Variants in DCC observed in about 807,000 individuals in gnomAD.
DCC encodes the protein DCC netrin 1 receptor.
A neutral mutation model predicts 172.5 loss-of-function variants in DCC; 58 were observed. The observed-to-expected ratio is 0.34, with a 90% CI of 0.27 to 0.42. DCC has a LOEUF of 0.42. Among genes scored for constraint, DCC ranks in the 10% least tolerant of loss-of-function variants. DCC has a pLI of 1.00. For synonymous variants in DCC, 709 were observed against 644.5 expected (o/e 1.10, Z -1.52); for missense variants, 1,740 against 1,791.0 (o/e 0.97, Z 0.51).
intron 27 of DCC, among the ~76,000 whole-genome samples, chr18:53,516,320 A>C (rs563863272): frequency 0.029 from 4,257 of 147,736 alleles, 77 homozygotes; most frequent in Middle Eastern, 0.062. Context: ...TAAAGACTTA[A>C]ACGTTAGACC....
intron 12 of DCC, among the ~76,000 whole-genome samples, chr18:53,258,872 G>A: frequency 6.6e-6 from 1 of 152,140 alleles, no homozygotes; most frequent in Middle Eastern, 3.2e-3. Flanking sequence ...CTGAGGACTT[G>A]CTTTATGAAT....
intron 1 of DCC, among the ~76,000 whole-genome samples, chr18:52,436,299 AAT>A (rs1218411259): frequency 6.6e-6 from 1 of 152,204 alleles, no homozygotes; most frequent in Non-Finnish European, 1.5e-5. Flanking sequence ...ACTTCACTGA[AAT>A]AAATGATTCT....
intron 1 of DCC, among the ~76,000 whole-genome samples, chr18:52,735,281 T>C (rs1434022282): frequency 6.6e-6 from 1 of 152,158 alleles, no homozygotes; most frequent in Non-Finnish European, 1.5e-5. Flanking sequence ...GGCTCACTGG[T>C]TGCCAACATC....
chr18:52,626,377 T>G (rs9963368), intron 1 of DCC, among the ~76,000 whole-genome samples: 15,068 of 152,178 alleles, frequency 0.099, 2,442 homozygotes, highest in African/African-American at 0.34. Context: ...TTCTCTATTT[T>G]ATGCCTAGCC....
intron 28 of DCC, 73 bp from the exon 29 acceptor site, chr18:53,530,491 C>A: frequency 3.4e-6 from 3 of 870,424 alleles, no homozygotes; most frequent in Non-Finnish European, 2.0e-6. Context: ...CCCCAACTAG[C>A]TGTGGCCCCG....
chr18:53,476,594 C>T (rs1343985813), intron 25 of DCC, among the ~76,000 whole-genome samples: 1 of 152,158 alleles, frequency 6.6e-6, no homozygotes, highest in Non-Finnish European at 1.5e-5. Context: ...AATGTAAGTC[C>T]AGTAAACCTC....
chr18:53,502,373 A>ATAAG (rs1255503387), intron 27 of DCC, among the ~76,000 whole-genome samples: 2 of 152,148 alleles, frequency 1.3e-5, no homozygotes, highest in African/African-American at 4.8e-5. Context: ...TGATTTTCAA[A>ATAAG]TAAGTTCTTC....
chr18:52,797,057 G>C (rs989187006), intron 2 of DCC, among the ~76,000 whole-genome samples: 2 of 150,872 alleles, frequency 1.3e-5, no homozygotes, highest in Non-Finnish European at 3.0e-5. Flanking sequence ...ATTTTGCTTA[G>C]CCTATTGACA....
At chr18:52,471,634 G>T (rs1443065680) in intron 1 of DCC, among the ~76,000 whole-genome samples, 1 of 152,166 alleles carries the variant, frequency 6.6e-6, no homozygotes, top group Non-Finnish European at 1.5e-5. Flanking sequence ...CGGCATGAGG[G>T]ACAAAAAATT....
At chr18:52,667,352 T>G (rs1818274827) in intron 1 of DCC, among the ~76,000 whole-genome samples, 1 of 152,244 alleles carries the variant, frequency 6.6e-6, no homozygotes, top group Non-Finnish European at 1.5e-5. Context: ...ACAAGTATTA[T>G]TATTGATATA....
intron 15 of DCC, among the ~76,000 whole-genome samples, chr18:53,363,569 C>T (rs1322366511): frequency 6.6e-6 from 1 of 152,142 alleles, no homozygotes; most frequent in Non-Finnish European, 1.5e-5. Context: ...GGCCCTCTCT[C>T]TTCCTCACCG....
In DCC at chr18:53,333,892, A is replaced by G. The variant is rs189601407; in HGVS notation, c.2165-5821A>G. Among the ~76,000 whole-genome samples the G allele has an allele frequency of 2.0e-4, 31 of 152,264 alleles. No individual in the cohort carries two copies. In the East Asian group the frequency reaches 5.2e-3, roughly 26 times the overall value. Reference sequence around the variant, plus strand: ...CCAAAATCCCAGACTTACATACCCAACTACTTCCTTGAGATAGCCACAGGT... The same window carrying G: ...CCAAAATCCCAGACTTACATACCCAGCTACTTCCTTGAGATAGCCACAGGT... On this transcript the variant is annotated intron_variant, in intron 14 of 28. Transcript: ENST00000442544.
intron 1 of DCC, among the ~76,000 whole-genome samples, chr18:52,530,225 TACATGTTTTACAC>T (rs2032107561): frequency 6.6e-6 from 1 of 152,164 alleles, no homozygotes; most frequent in African/African-American, 2.4e-5. Flanking sequence ...CAAGGAATGG[TACATGTTTTACAC>T]ACACACGCAC....
At chr18:53,270,487 G>T (rs920537878) in intron 12 of DCC, among the ~76,000 whole-genome samples, 2 of 152,094 alleles carry the variant, frequency 1.3e-5, no homozygotes, top group Non-Finnish European at 2.9e-5. Flanking sequence ...AGTTTGGACA[G>T]ATCTCAACAT....
rs747096336 is a variant in DCC at position 53,425,357 on chromosome 18, C to CTTTTT, written c.3163+9217_3163+9221dup. Reference sequence around the variant, plus strand: ...CCACAATTTTCCCCGTTTCTCCTCTCTTTTTTTTTTTTTTTTTTTTGAGAC... The same window carrying CTTTTT: ...CCACAATTTTCCCCGTTTCTCCTCTCTTTTTTTTTTTTTTTTTTTTTTTTTGAGAC... On this transcript the variant is annotated intron_variant, in intron 21 of 28. Coordinates refer to ENST00000442544, the MANE Select transcript of DCC (RefSeq NM_005215.4). Among the ~76,000 whole-genome samples the CTTTTT allele has an allele frequency of 1.4e-4, 14 of 101,630 alleles. 1 individual carries two copies. The highest frequency in any genetic ancestry group is 2.3e-4 in the Admixed American group (2 of 8,630). 66.7% of individuals were successfully genotyped at this position (101,630 alleles called of 152,430 possible). A position where few individuals can be genotyped will look rare whatever the true frequency, so the allele number is the denominator to read the frequency against.
rs1376535749 is a variant in DCC, at chr18:53,532,341, G to A, written c.*1688G>A. 2 of 152,102 alleles carry A rather than the reference G, an allele frequency of 1.3e-5. No homozygotes were observed. The highest frequency in any genetic ancestry group is 2.9e-5 in the Non-Finnish European group (2 of 68,018). 9.4% of individuals were successfully genotyped at this position (152,102 alleles called of 1,614,324 possible). ...TTTATTTTTTTACAGTTTTATGTCG[G>A]GAAGGAAATCTGATGTCAAAGAGAG... On this transcript the variant is annotated 3_prime_UTR_variant, in exon 29 of 29. Coordinates refer to ENST00000442544, the MANE Select transcript of DCC (RefSeq NM_005215.4).
chr18:52,557,110 G>A (rs1195126878), intron 1 of DCC, among the ~76,000 whole-genome samples: 1 of 152,134 alleles, frequency 6.6e-6, no homozygotes, highest in African/African-American at 2.4e-5. Flanking sequence ...ATTATATGCT[G>A]TGTAAATATT....
intron 7 of DCC, among the ~76,000 whole-genome samples, chr18:53,130,918 A>G (rs1005150336): frequency 6.6e-6 from 1 of 152,054 alleles, no homozygotes; most frequent in Non-Finnish European, 1.5e-5. Flanking sequence ...TGTACACGGG[A>G]TGTTCAGATT....
intron 13 of DCC, among the ~76,000 whole-genome samples, chr18:53,306,462 A>G (rs2057201501): frequency 6.6e-6 from 1 of 152,212 alleles, no homozygotes; most frequent in African/African-American, 2.4e-5. Context: ...TAATGGTGGT[A>G]CATTATCCAT....
Sources: allele counts gnomAD v4.1 joint callset (sites outside exome capture counted in the v4.1 genomes callset), GRCh38; gene constraint gnomAD v4.1.1; transcripts MANE v1.5; gene names NCBI Gene and HGNC (gene_info 2026-07-23, HGNC 2026-07-21).